CEP85L: variants seen among roughly 807,000 people sequenced by gnomAD.
CEP85L encodes the protein centrosomal protein 85L, also known as centrosomal protein of 85 kDa-like.
A neutral mutation model predicts 100.3 loss-of-function variants in CEP85L; 60 were observed. The observed-to-expected ratio is 0.60, with a 90% confidence interval of 0.49 to 0.74. CEP85L has a LOEUF of 0.74. Ranked by LOEUF, CEP85L falls within the 30% of genes least tolerant of loss-of-function variation. The pLI, the probability that CEP85L is intolerant of heterozygous loss-of-function variation, is 0.00. For missense variants in CEP85L, 973 were observed against 936.2 expected, an observed-to-expected ratio of 1.04 and a Z score of -0.51; for synonymous variants, 319 against 322.7, an observed-to-expected ratio of 0.99 and a Z score of 0.12.
At chr6:118,586,864 A>G (rs1446685047) in intron 2 of CEP85L, among the ~76,000 whole-genome samples, 2 of 152,214 alleles carry the variant, frequency 1.3e-5, no homozygotes, top group African/African-American at 4.8e-5. Flanking sequence ...TTGCAGTAGA[A>G]CTATATACTG....
intron 1 of CEP85L, among the ~76,000 whole-genome samples, chr6:118,702,379 A>G (rs1397443389): frequency 1.3e-4 from 20 of 152,064 alleles, no homozygotes; most frequent in Admixed American, 1.3e-4. Flanking sequence ...AGGCGTGGTG[A>G]TATGCACCTG....
chr6:118,494,637 G>A (rs1774803942), intron 5 of CEP85L, among the ~76,000 whole-genome samples: 1 of 150,750 alleles, frequency 6.6e-6, no homozygotes, highest in Admixed American at 6.6e-5. Flanking sequence ...CAATCCAGAG[G>A]AACAAATTCA....
chr6:118,600,169 C>T (rs930871118), intron 2 of CEP85L, among the ~76,000 whole-genome samples: 1 of 151,916 alleles, frequency 6.6e-6, no homozygotes, highest in African/African-American at 2.4e-5. Flanking sequence ...TTCTCCCTCA[C>T]AGGAGATGGA....
intron 1 of CEP85L, among the ~76,000 whole-genome samples, chr6:118,688,151 A>G (rs779109994): frequency 4.9e-4 from 74 of 152,098 alleles, no homozygotes; most frequent in Admixed American, 7.9e-4. Context: ...CCCCAGTAAC[A>G]CCACCACACC....
chr6:118,662,217 C>T (rs562488063), intron 1 of CEP85L, among the ~76,000 whole-genome samples: 99 of 152,250 alleles, frequency 6.5e-4, no homozygotes, highest in African/African-American at 2.2e-3. Context: ...ATTTCATCTT[C>T]ATAACAACAT....
intron 6 of CEP85L, 91 bp from the exon 7 acceptor site, chr6:118,483,949 C>G (rs2114549805): frequency 1.7e-6 from 2 of 1,163,100 alleles, no homozygotes; most frequent in South Asian, 1.5e-5. Flanking sequence ...CCATTGAATT[C>G]ACCAACAGTT....
At chr6:118,631,692 G>GA (rs1774163151) in intron 2 of CEP85L, among the ~76,000 whole-genome samples, 1 of 152,132 alleles carries the variant, frequency 6.6e-6, no homozygotes, top group South Asian at 2.1e-4. Context: ...AAAATCCAGA[G>GA]AAAAAAGCCA....
intron 2 of CEP85L, among the ~76,000 whole-genome samples, chr6:118,624,771 A>G (rs1045491234): frequency 2.0e-5 from 3 of 152,362 alleles, no homozygotes; most frequent in Middle Eastern, 3.4e-3. Context: ...CCATGTGGGT[A>G]TAACTGATGA....
Position 118,632,473 on chromosome 6 carries a change from G to C in CEP85L, c.212C>G (p.Ser71Cys). The C allele has an allele frequency of 1.2e-6, 2 of 1,606,120 alleles. No individual in the cohort carries two copies. The highest frequency in any genetic ancestry group is 1.7e-6 in the Non-Finnish European group (2 of 1,176,790). Residue 71 changes from serine to cysteine, a missense_variant, in exon 2 of 13, where the codon TCC becomes TGC. Ser to Cys is a moderately radical substitution (Grantham distance 112). Around this residue, in one of 3 missense-constraint regions of CEP85L, gnomAD observed 890 missense variants for 844.5 expected, o/e 1.05. Coordinates refer to ENST00000368491, the MANE Select transcript of CEP85L (RefSeq NM_001042475.3). Reference sequence around the variant, plus strand: ...CTCACCTTCCACGCTATCAGAACAGGAAGTTCCAATGCCAGTGTCTCCACT... The same window carrying C: ...CTCACCTTCCACGCTATCAGAACAGCAAGTTCCAATGCCAGTGTCTCCACT... ...SDSGDTGIGTSCSDSVEDHST... is the reference protein window; with the variant it reads ...SDSGDTGIGTCCSDSVEDHST...
chr6:118,473,211 A>C (rs1313998017), intron 10 of CEP85L, among the ~76,000 whole-genome samples: 21 of 152,212 alleles, frequency 1.4e-4, no homozygotes, highest in Admixed American at 1.4e-3. Context: ...GCCTTTGTGG[A>C]ACTTTACTAG....
intron 1 of CEP85L, among the ~76,000 whole-genome samples, chr6:118,705,241 C>A (rs189185476): frequency 2.0e-5 from 3 of 152,200 alleles, no homozygotes; most frequent in Non-Finnish European, 4.4e-5. Flanking sequence ...TCTCTTCATG[C>A]AGCAGAGATG....
At chr6:118,583,054 G>T (rs1780661367) in intron 2 of CEP85L, among the ~76,000 whole-genome samples, 1 of 152,188 alleles carries the variant, frequency 6.6e-6, no homozygotes, top group Non-Finnish European at 1.5e-5. Flanking sequence ...ATTTTAAGAG[G>T]GAATGCCCAG....
chr6:118,539,682 C>A (rs1777796935), intron 3 of CEP85L, among the ~76,000 whole-genome samples: 2 of 152,044 alleles, frequency 1.3e-5, no homozygotes, highest in South Asian at 4.1e-4. Flanking sequence ...TGGTTTGCTG[C>A]ACCTATCAAC....
At chr6:118,604,038 A>G (rs191521877) in intron 2 of CEP85L, among the ~76,000 whole-genome samples, 1 of 152,372 alleles carries the variant, frequency 6.6e-6, no homozygotes, top group East Asian at 1.9e-4. Flanking sequence ...ACATATTCCA[A>G]TAACACATTT....
rs1772238988 is a variant in CEP85L, at chr6:118,461,628, A to G, written c.*3777T>C. On this transcript the variant is annotated 3_prime_UTR_variant, in exon 13 of 13. Transcript: ENST00000368491. ...TTTTTTAAATAAGAAAAAAAATCCA[A>G]AATCTTTCCCATACATGATTAAATA... is the stretch of plus-strand genomic sequence containing the variant. 6.6e-6 allele frequency: 1 copy of G among 152,080 alleles called. No individual in the cohort carries two copies. Among genetic ancestry groups the G allele is most frequent in the African/African-American group, 2.4e-5 (1 of 41,450 alleles). 9.4% of individuals were successfully genotyped at this position (152,080 alleles called of 1,614,324 possible). A position where few individuals can be genotyped will look rare whatever the true frequency, so the allele number is the denominator to read the frequency against.
chr6:118,646,813 A>C, intron 1 of CEP85L: 2 of 416,036 alleles, frequency 4.8e-6, no homozygotes, highest in Non-Finnish European at 6.5e-6. Context: ...ATAAAAATAC[A>C]CATTTCATCC....
At chr6:118,481,196 T>C (rs1773756414) in intron 8 of CEP85L, among the ~76,000 whole-genome samples, 3 of 151,922 alleles carry the variant, frequency 2.0e-5, no homozygotes, top group African/African-American at 7.2e-5. Context: ...GGAGTGCAGT[T>C]TGAGTATTTT....
chr6:118,622,110 T>C (rs1773486106), intron 2 of CEP85L, among the ~76,000 whole-genome samples: 1 of 152,160 alleles, frequency 6.6e-6, no homozygotes. Flanking sequence ...ACTAATGTAG[T>C]AGCAAAAGGC....
intron 7 of CEP85L, 113 bp from the exon 8 acceptor site, chr6:118,482,046 A>G (rs1258926706): frequency 1.7e-6 from 1 of 590,828 alleles, no homozygotes; most frequent in Non-Finnish European, 2.6e-6. Context: ...AAAAAAAAAA[A>G]AAAAGAATCA....
Sources: gnomAD v4.1 joint callset for allele counts (sites outside exome capture counted in the v4.1 genomes callset) on GRCh38, gnomAD v4.1.1 for gene constraint, gnomAD v4.1.1 regional missense constraint, MANE v1.5 for transcripts, NCBI Gene and HGNC (gene_info 2026-07-23, HGNC 2026-07-21) for gene names.